The following ADGRL4 variants were observed in gnomAD, a reference collection of about 807,000 sequenced individuals.
ADGRL4 encodes EGF, latrophilin and seven transmembrane domain containing 1.
ADGRL4 carries 90 observed loss-of-function variants against 74.8 expected under a neutral mutation model. The ratio of observed to expected loss-of-function variants is 1.20; its 90% CI spans 1.02 to 1.43. The LOEUF is 1.43. ADGRL4 is among the 40% of genes most tolerant of loss of function. The pLI is 0.00. For missense variants in ADGRL4, 881 were observed against 814.3 expected (o/e 1.08, Z -1.00); for synonymous variants, 311 against 279.2 (o/e 1.11, Z -1.14).
At chr1:78,898,621 A>G (rs1472195271) in intron 12 of ADGRL4, among the ~76,000 whole-genome samples, 1 of 152,084 alleles carries the variant, frequency 6.6e-6, no homozygotes, top group Non-Finnish European at 1.5e-5. Flanking sequence ...TTGAAATTCA[A>G]TGCTGCACTT....
intron 2 of ADGRL4, among the ~76,000 whole-genome samples, chr1:78,992,248 G>A (rs945941243): frequency 4.0e-5 from 6 of 151,846 alleles, no homozygotes; most frequent in Non-Finnish European, 7.4e-5. Context: ...TCTGTCTTTC[G>A]GCAACTTATT....
At chr1:78,949,375 TG>T (rs1411180256) in intron 2 of ADGRL4, among the ~76,000 whole-genome samples, 1 of 152,134 alleles carries the variant, frequency 6.6e-6, no homozygotes, top group Non-Finnish European at 1.5e-5. Context: ...TTTGAGCGCT[TG>T]ACCTCTTTGC....
chr1:78,893,161 A>G lies in ADGRL4; in HGVS notation c.1778T>C (p.Ile593Thr), dbSNP rs1007797926. The change falls in exon 13 of 15, where the codon ATA becomes ACA. Residue 593 changes from isoleucine to threonine, a missense_variant. Ile to Thr is a moderately conservative substitution (Grantham distance 89). Coordinates refer to ENST00000370742, the MANE Select transcript of ADGRL4 (RefSeq NM_022159.4). ...TGCAGTGTGACGAAAAACTTTGTAT[A>G]TGATGACTCCAAAAGCCAAGAGATT... ...LVNLLAFGVI[I>T]YKVFRHTAGL... The G allele has an allele frequency of 1.2e-6, 2 of 1,604,828 alleles. No individual in the cohort carries two copies. Among genetic ancestry groups the G allele is most frequent in the Admixed American group, 3.4e-5 (2 of 58,494 alleles).
intron 12 of ADGRL4, among the ~76,000 whole-genome samples, chr1:78,905,782 T>C (rs950538916): frequency 1.3e-5 from 2 of 152,038 alleles, no homozygotes; most frequent in Non-Finnish European, 2.9e-5. Flanking sequence ...GGATAGACCC[T>C]ATATTTAAAT....
Position 78,936,378 on chromosome 1 carries a change from A to C in ADGRL4, c.794T>G (p.Met265Arg). Residue 265 changes from methionine (M) to arginine (R), a missense_variant, in exon 7 of 15, where the codon ATG becomes AGG. Physicochemically the swap from Met to Arg is moderately conservative, Grantham distance 91 (BLOSUM62 -1). Transcript: ENST00000370742. ...ATTCATATGAGGATGAATATGTTTCATGTTATATGAATCAAAAAAGAAAAC... is the reference window on the plus strand; with the variant it reads ...ATTCATATGAGGATGAATATGTTTCCTGTTATATGAATCAAAAAAGAAAAC... ...LKVFFFDSYNMKHIHPHMNMD... is the reference protein window; with the variant it reads ...LKVFFFDSYNRKHIHPHMNMD... The C allele has an allele frequency of 6.4e-7, 1 of 1,571,460 alleles. No homozygotes were observed. Among genetic ancestry groups the C allele is most frequent in the Non-Finnish European group, 8.6e-7 (1 of 1,166,374 alleles).
chr1:78,996,756 A>G (rs372537786), intron 2 of ADGRL4, among the ~76,000 whole-genome samples: 2 of 152,110 alleles, frequency 1.3e-5, no homozygotes, highest in Non-Finnish European at 2.9e-5. Flanking sequence ...ATTTGGGATG[A>G]TTATTTCTCA....
intron 7 of ADGRL4, among the ~76,000 whole-genome samples, chr1:78,930,649 C>G (rs925001190): frequency 6.6e-6 from 1 of 150,934 alleles, no homozygotes; most frequent in Non-Finnish European, 1.5e-5. Flanking sequence ...TGGGGTTTCA[C>G]CATCCTGGCC....
rs538158875 is a variant in ADGRL4 at position 78,892,927 on chromosome 1, A to G, written c.1841+171T>C. On this transcript the variant is annotated intron_variant, in intron 13 of 14. Coordinates refer to ENST00000370742, the MANE Select transcript of ADGRL4 (RefSeq NM_022159.4). ...GCTTCTTACCACTGAATCTGCAGTA[A>G]TTGTAGTCTTAATATACATACTAAA... Among the ~76,000 whole-genome samples the G allele has an allele frequency of 1.9e-3, 287 of 152,098 alleles. 1 individual carries two copies. The highest frequency in any genetic ancestry group is 3.4e-3 in the Middle Eastern group (1 of 294).
At chr1:78,954,858 T>C (rs754662599) in intron 2 of ADGRL4, among the ~76,000 whole-genome samples, 1 of 152,128 alleles carries the variant, frequency 6.6e-6, no homozygotes, top group Non-Finnish European at 1.5e-5. Flanking sequence ...AGTATTTTAA[T>C]TTTCCTTTTT....
intron 13 of ADGRL4, 47 bp downstream of exon 13, chr1:78,893,051 T>G (rs753275116): frequency 9.7e-7 from 1 of 1,033,970 alleles, no homozygotes. Flanking sequence ...CTAAAGCTTT[T>G]AATTACCAAA....
chr1:78,890,845 C>T lies in ADGRL4; in HGVS notation c.*309G>A, dbSNP rs1024675992. The T allele has an allele frequency of 3.2e-6, 1 of 312,568 alleles. No homozygotes were observed. Among genetic ancestry groups the T allele is most frequent in the East Asian group, 6.9e-5 (1 of 14,506 alleles). The allele number at this position is 312,568 out of a possible 1,614,324, so 19.4% of individuals were successfully genotyped here. On this transcript the variant is annotated 3_prime_UTR_variant, in exon 15 of 15. Transcript: ENST00000370742. ...TCCTTCAGGACATTCATATACTTCT[C>T]GTGTTAGAAAGAAAATCTTTCCTTG... is the stretch of plus-strand genomic sequence containing the variant.
intron 8 of ADGRL4, among the ~76,000 whole-genome samples, chr1:78,922,677 G>A (rs1377110887): frequency 2.6e-5 from 4 of 151,902 alleles, no homozygotes; most frequent in Non-Finnish European, 5.9e-5. Flanking sequence ...TTCTTATTTT[G>A]TTTGGTTTGA....
chr1:78,895,551 A>G (rs1302514922), intron 12 of ADGRL4, among the ~76,000 whole-genome samples: 1 of 152,200 alleles, frequency 6.6e-6, no homozygotes, highest in East Asian at 1.9e-4. Context: ...CTTGGGACTT[A>G]GCATTTAAAC....
chr1:78,942,417 C>A (rs894433597), intron 3 of ADGRL4, among the ~76,000 whole-genome samples: 1 of 151,972 alleles, frequency 6.6e-6, no homozygotes, highest in Non-Finnish European at 1.5e-5. Flanking sequence ...TTCTAGGTTA[C>A]CATGTCTTGG....
At chr1:78,960,753 G>T (rs1649935536) in intron 2 of ADGRL4, among the ~76,000 whole-genome samples, 1 of 152,052 alleles carries the variant, frequency 6.6e-6, no homozygotes. Flanking sequence ...TACAAAAGAG[G>T]CTCCAGAGAA....
At chr1:78,897,269 T>C (rs1037298793) in intron 12 of ADGRL4, among the ~76,000 whole-genome samples, 3 of 152,152 alleles carry the variant, frequency 2.0e-5, no homozygotes, top group Admixed American at 6.6e-5. Flanking sequence ...GGCTTCAGTG[T>C]CTGATCTTGT....
At chr1:78,979,956 G>A (rs188941405) in intron 2 of ADGRL4, among the ~76,000 whole-genome samples, 1 of 151,778 alleles carries the variant, frequency 6.6e-6, no homozygotes, top group Admixed American at 6.6e-5. Flanking sequence ...TTGAATCACA[G>A]GTGCACCAAA....
Position 78,964,328 on chromosome 1 carries a change from C to T in ADGRL4, c.173-17902G>A, listed in dbSNP as rs57958460. On this transcript the variant is annotated intron_variant, in intron 2 of 14. Coordinates refer to ENST00000370742, the MANE Select transcript of ADGRL4 (RefSeq NM_022159.4). ...TTACTGTGTTTATGTTTAATAACAG[C>T]CTTTTATGACAAGCACTGAAGTCTT... 3.1e-3 allele frequency among the ~76,000 whole-genome samples: 477 copies of T among 152,220 alleles called. 2 individuals are homozygous for T. The highest frequency in any genetic ancestry group is 0.011 in the African/African-American group (458 of 41,554).
chr1:78,952,673 A>G (rs1037511369), intron 2 of ADGRL4, among the ~76,000 whole-genome samples: 61 of 152,278 alleles, frequency 4.0e-4, no homozygotes, highest in African/African-American at 1.4e-3. Flanking sequence ...CTCAAGTTCA[A>G]TTTAGTAAAG....
Sources: gnomAD v4.1 joint callset for allele counts (sites outside exome capture counted in the v4.1 genomes callset) on GRCh38, gnomAD v4.1.1 for gene constraint, MANE v1.5 for transcripts, NCBI Gene and HGNC (gene_info 2026-07-23, HGNC 2026-07-21) for gene names.